Variants in GBP3 observed in about 807,000 individuals in gnomAD.
The protein encoded by GBP3 is guanylate-binding protein 3.
GBP3 carries 55 observed loss-of-function variants against 62.4 expected under a neutral mutation model. The ratio of observed to expected loss-of-function variants is 0.88; its 90% CI spans 0.71 to 1.10. The LOEUF (loss-of-function observed/expected upper bound fraction) is 1.10. GBP3 is among the 50% of genes least tolerant of loss of function. The probability of loss-of-function intolerance (pLI) is 0.00; values close to 1 mark genes in which losing one functional copy is unlikely to be tolerated. For missense variants in GBP3, 605 were observed against 690.6 expected, an observed-to-expected ratio of 0.88 and a Z score of 1.39; for synonymous variants, 208 against 259.2, an observed-to-expected ratio of 0.80 and a Z score of 1.90.
intron 9 of GBP3, 118 bp downstream of exon 9, chr1:89,009,274 G>A: frequency 1.5e-6 from 2 of 1,368,618 alleles, no homozygotes; most frequent in East Asian, 2.5e-5. Flanking sequence ...GACATGTCTT[G>A]CTTTAGTTTA....
intron 2 of GBP3, 49 bp downstream of exon 2, chr1:89,020,483 G>A (rs1557733687): frequency 6.2e-7 from 1 of 1,602,996 alleles, no homozygotes; most frequent in Non-Finnish European, 8.5e-7. Context: ...GATGCTGACT[G>A]TGTTGGGGGA....
rs1007782985 is a variant in GBP3, at chr1:89,009,205, A to G, written c.1466-65T>C. 19 of 1,517,602 alleles carry G rather than the reference A, an allele frequency of 1.3e-5. No individual in the cohort carries two copies. In the African/African-American group the frequency reaches 2.3e-4, roughly 19 times the overall value. The allele number at this position is 1,517,602 out of a possible 1,614,324, so 94.0% of individuals were successfully genotyped here. A position where few individuals can be genotyped will look rare whatever the true frequency, so the allele number is the denominator to read the frequency against. On this transcript the variant is annotated intron_variant, in intron 9 of 10. Coordinates refer to ENST00000370481, the MANE Select transcript of GBP3 (RefSeq NM_018284.3). ...TTGCCTCATTCTTAGTTATACACTTACCCTCCATTGTTGCTGCTGACTGCA... is the reference window on the plus strand; with the variant it reads ...TTGCCTCATTCTTAGTTATACACTTGCCCTCCATTGTTGCTGCTGACTGCA...
At position 89,022,705 on chromosome 1, in the gene GBP3, A is replaced by C. The variant is rs1297677033; in HGVS notation, c.-44T>G. 1 of 152,258 alleles carries C rather than the reference A, an allele frequency of 6.6e-6. No individual in the cohort carries two copies. The highest frequency in any genetic ancestry group is 2.1e-4 in the South Asian group (1 of 4,834). The allele number at this position is 152,258 out of a possible 1,614,324, so 9.4% of individuals were successfully genotyped here. On this transcript the variant is annotated 5_prime_UTR_variant, in exon 1 of 11. Transcript: ENST00000370481. ...TTACCTGTGCTTTTATCTTCAGTCCAGGTAAAGTTGTTTCTGTCACTTCTC... is the reference window on the plus strand; with the variant it reads ...TTACCTGTGCTTTTATCTTCAGTCCCGGTAAAGTTGTTTCTGTCACTTCTC...
Position 89,007,710 on chromosome 1 carries a change from A to G in GBP3, c.*14T>C. On this transcript the variant is annotated 3_prime_UTR_variant, in exon 11 of 11. Coordinates refer to ENST00000370481, the MANE Select transcript of GBP3 (RefSeq NM_018284.3). ...GTTATGCCTTGGGTTAGGATGACAG[A>G]AAAGCTCTGTTGTTTAGATCTTTAG... is the stretch of plus-strand genomic sequence containing the variant. The G allele has an allele frequency of 6.2e-7, 1 of 1,604,708 alleles. No homozygotes were observed. The highest frequency in any genetic ancestry group is 8.5e-7 in the Non-Finnish European group (1 of 1,176,440).
At position 89,011,522 on chromosome 1, in the gene GBP3, T is replaced by A. The variant is rs1447546986; in HGVS notation, c.1149+225A>T. Among the ~76,000 whole-genome samples the A allele has an allele frequency of 1.4e-5, 2 of 139,664 alleles. 1 individual carries two copies. Among genetic ancestry groups the A allele is most frequent in the Non-Finnish European group, 3.3e-5 (2 of 60,554 alleles). The allele number at this position is 139,664 out of a possible 152,430, so 91.6% of individuals were successfully genotyped here. ...TTAGAAGCCCTGATTGTCAGTTATA[T>A]GAATTTAATAAAGGGAAGACCATTT... On this transcript the variant is annotated intron_variant, in intron 7 of 10. Coordinates refer to ENST00000370481, the MANE Select transcript of GBP3 (RefSeq NM_018284.3).
chr1:89,011,338 C>T (rs1254468263), intron 7 of GBP3, among the ~76,000 whole-genome samples: 2 of 139,520 alleles, frequency 1.4e-5, no homozygotes, highest in African/African-American at 4.9e-5. Context: ...TTTATGTCAA[C>T]TGTTAGAGGA....
rs756470967 is a variant in GBP3, at chr1:89,011,116, C to T, written c.1150G>A (p.Ala384Thr). The change falls in exon 8 of 11, where the codon GCC becomes ACC. Residue 384 changes from alanine to threonine, a missense_variant and splice_region_variant. Physicochemically the swap from Ala to Thr is moderately conservative, Grantham distance 58. Coordinates refer to ENST00000370481, the MANE Select transcript of GBP3 (RefSeq NM_018284.3). ...VDHLFQKKLA[A>T]QLDKKRDDFC... ...TCATCCCGCTTTTTGTCTAGCTGGG[C>T]CTTTAATGTAAAAATAGGAAGTAAA... The T allele has an allele frequency of 1.1e-5, 16 of 1,461,380 alleles. No individual in the cohort carries two copies. In the African/African-American group the frequency reaches 2.2e-4, roughly 20 times the overall value. 90.5% of individuals were successfully genotyped at this position (1,461,380 alleles called of 1,614,324 possible).
chr1:89,020,856 T>G (rs1679150255), intron 1 of GBP3, 113 bp from the exon 2 acceptor site: 1 of 767,628 alleles, frequency 1.3e-6, no homozygotes, highest in African/African-American at 1.8e-5. Context: ...GTGAGAGAGA[T>G]GAGGGAAAAT....
Position 89,007,421 on chromosome 1 carries a change from T to C in GBP3, c.*303A>G. ...ACTTGGCCAAACCAGTGCCCAAATATGTCCCAAGATTTTTACCTAAGACTT... is the reference window on the plus strand; with the variant it reads ...ACTTGGCCAAACCAGTGCCCAAATACGTCCCAAGATTTTTACCTAAGACTT... On this transcript the variant is annotated 3_prime_UTR_variant, in exon 11 of 11. Coordinates refer to ENST00000370481, the MANE Select transcript of GBP3 (RefSeq NM_018284.3). 1 of 254,268 alleles carries C rather than the reference T, an allele frequency of 3.9e-6. No individual in the cohort carries two copies. The highest frequency in any genetic ancestry group is 7.5e-6 in the Non-Finnish European group (1 of 132,754). 15.8% of individuals were successfully genotyped at this position (254,268 alleles called of 1,614,324 possible).
In GBP3 at chr1:89,007,852, C is replaced by G. The variant is rs1006207076; in HGVS notation, c.1660G>C (p.Glu554Gln). ...QEKTLTSKLQ[E>Q]QARVLKERCQ... ...CTCTCCTTTAGTACTCGGGCCTGTT[C>G]CTAAAAAGGGACAAATGGAGGCTAA... Residue 554 changes from glutamate (E) to glutamine (Q), a missense_variant and splice_region_variant, in exon 11 of 11, where the codon GAA (glutamate) becomes CAA (glutamine). Glu to Gln is a conservative substitution (Grantham distance 29, BLOSUM62 2). Around this residue, in one of 3 missense-constraint regions of GBP3, gnomAD observed 160 missense variants for 147.8 expected, o/e 1.08. Coordinates refer to ENST00000370481, the MANE Select transcript of GBP3 (RefSeq NM_018284.3). The G allele has an allele frequency of 2.5e-6, 4 of 1,608,922 alleles. No homozygotes were observed. The African/African-American group carries it at 5.4e-5, about 22-fold the overall frequency.
intron 2 of GBP3, among the ~76,000 whole-genome samples, chr1:89,017,917 A>G (rs1678974226): frequency 6.6e-6 from 1 of 152,074 alleles, no homozygotes; most frequent in African/African-American, 2.4e-5. Context: ...CATTTACACT[A>G]AAAATACAAA....
Position 89,014,663 on chromosome 1 carries a change from G to C in GBP3, c.319-7C>G. Reference sequence around the variant, plus strand: ...AGTCATTCTGGTTGTCACCCTGGAAGTCAAGACACACTGGAGTCAGGAGCA... The same window carrying C: ...AGTCATTCTGGTTGTCACCCTGGAACTCAAGACACACTGGAGTCAGGAGCA... On this transcript the variant is annotated splice_region_variant and splice_polypyrimidine_tract_variant and intron_variant, in intron 3 of 10. Coordinates refer to ENST00000370481, the MANE Select transcript of GBP3 (RefSeq NM_018284.3). 6.2e-7 allele frequency: 1 copy of C among 1,614,046 alleles called. No individual in the cohort carries two copies. The highest frequency in any genetic ancestry group is 8.5e-7 in the Non-Finnish European group (1 of 1,179,930).
rs143902744 is a variant in GBP3 at position 89,007,747 on chromosome 1, T to G, written c.1765A>C (p.Met589Leu). 6 of 1,613,342 alleles carry G rather than the reference T, an allele frequency of 3.7e-6. No individual in the cohort carries two copies. In the Middle Eastern group the frequency reaches 5.0e-4, roughly 133 times the overall value. The change falls in exon 11 of 11, where the codon ATG becomes CTG. Residue 589 changes from methionine (M) to leucine (L), a missense_variant. By Grantham distance (15) the Met-to-Leu change is conservative (BLOSUM62 2). Transcript: ENST00000370481. ...KTLKKKTKRY[M>L]SHKLKI Reference sequence around the variant, plus strand: ...GTTTAGATCTTTAGCTTATGCGACATATATCTCTTGGTTTTTTTTTTCAGG... The same window carrying G: ...GTTTAGATCTTTAGCTTATGCGACAGATATCTCTTGGTTTTTTTTTTCAGG...
intron 2 of GBP3, among the ~76,000 whole-genome samples, chr1:89,019,586 AG>A (rs1679074345): frequency 6.6e-6 from 1 of 152,222 alleles, no homozygotes; most frequent in Non-Finnish European, 1.5e-5. Flanking sequence ...CCAGCCAAAA[AG>A]GAAAAATTTT....
rs1376560310 is a variant in GBP3, at chr1:89,009,494, C to T, written c.1363G>A (p.Ala455Thr). The change falls in exon 9 of 11, where the codon GCT becomes ACT. Residue 455 changes from alanine (A) to threonine (T), a missense_variant and splice_region_variant. Ala to Thr is a moderately conservative substitution (Grantham distance 58). This residue lies in a region of GBP3 where 137 missense variants were observed against 224.7 expected (regional missense o/e 0.61). Coordinates refer to ENST00000370481, the MANE Select transcript of GBP3 (RefSeq NM_018284.3). ...AAGTATGTCTGCAGAATCTCTTCAG[C>T]CTTAGGACCCAGAGAACACAGAGTG... ...YYEEPRKGIQ[A>T]EEILQTYLKS... 4.3e-6 allele frequency: 7 copies of T among 1,613,860 alleles called. No homozygotes were observed. Among genetic ancestry groups the T allele is most frequent in the African/African-American group, 1.3e-5 (1 of 74,896 alleles).
rs748484410 is a variant in GBP3, at chr1:89,007,825, A to G, written c.1687T>C (p.Cys563Arg). 1.2e-6 allele frequency: 2 copies of G among 1,613,514 alleles called. No individual in the cohort carries two copies. Among genetic ancestry groups the G allele is most frequent in the South Asian group, 1.1e-5 (1 of 91,042 alleles). Residue 563 changes from cysteine (C) to arginine (R), a missense_variant, in exon 11 of 11, where the codon TGC (cysteine) becomes CGC (arginine). Cys to Arg is a radical substitution (Grantham distance 180). Transcript: ENST00000370481. ...QEQARVLKER[C>R]QGESTQLQNE... The stretch of plus-strand genomic sequence containing the variant: ...TGAAGTTGGGTACTTTCACCTTGGC[A>G]TCTCTCCTTTAGTACTCGGGCCTGT...
At chr1:89,008,906 GAA>G in intron 10 of GBP3, 39 bp downstream of exon 10, 1 of 1,613,596 alleles carries the variant, frequency 6.2e-7, no homozygotes. Flanking sequence ...AGAACAGAGA[GAA>G]AACAGAAAAA....
In GBP3 at chr1:89,019,352, G is replaced by A. The variant is rs144834556; in HGVS notation, c.190+1180C>T. Among the ~76,000 whole-genome samples, 134 of 152,342 alleles carry A rather than the reference G, an allele frequency of 8.8e-4. 1 individual carries two copies. Among genetic ancestry groups the A allele is most frequent in the African/African-American group, 3.1e-3 (129 of 41,568 alleles). Reference sequence around the variant, plus strand: ...TGCCCAGGCTGGAGTGCAAAGGCACGATCTTGGCTCACCGCAACCTCTGTT... The same window carrying A: ...TGCCCAGGCTGGAGTGCAAAGGCACAATCTTGGCTCACCGCAACCTCTGTT... On this transcript the variant is annotated intron_variant, in intron 2 of 10. Transcript: ENST00000370481.
intron 2 of GBP3, among the ~76,000 whole-genome samples, chr1:89,016,940 A>G (rs1678919256): frequency 1.3e-5 from 2 of 152,190 alleles, no homozygotes; most frequent in African/African-American, 4.8e-5. Flanking sequence ...AAAGTGACAT[A>G]CAGATTCAAT....
Sources: allele counts gnomAD v4.1 joint callset (sites outside exome capture counted in the v4.1 genomes callset), GRCh38; gene constraint gnomAD v4.1.1; regional missense constraint gnomAD v4.1.1; transcripts MANE v1.5; gene names NCBI Gene and HGNC (gene_info 2026-07-23, HGNC 2026-07-21).